Variants in WDR19 observed in about 807,000 individuals in gnomAD.
The protein encoded by WDR19 is WD repeat-containing protein 19.
WDR19 carries 121 observed loss-of-function variants against 180.0 expected under a neutral mutation model. The ratio of observed to expected loss-of-function variants is 0.67; its 90% CI spans 0.58 to 0.78. The LOEUF is 0.78. WDR19 is among the 30% of genes least tolerant of loss of function. The pLI is 0.00. For missense variants in WDR19, 1,450 were observed against 1,640.7 expected (o/e 0.88, Z 2.01); for synonymous variants, 497 against 540.7 (o/e 0.92, Z 1.12).
intron 30 of WDR19, among the ~76,000 whole-genome samples, chr4:39,269,121 C>T (rs1735093064): frequency 6.6e-6 from 1 of 151,980 alleles, no homozygotes; most frequent in African/African-American, 2.4e-5. Flanking sequence ...CATTTACACA[C>T]CTGGAGAAGA....
Position 39,216,229 on chromosome 4 carries a change from G to T in WDR19, c.1249+19G>T, listed in dbSNP as rs1729058687. The T allele has an allele frequency of 6.6e-7, 1 of 1,525,050 alleles. No homozygotes were observed. 94.5% of individuals were successfully genotyped at this position (1,525,050 alleles called of 1,614,324 possible). On this transcript the variant is annotated intron_variant, in intron 12 of 36. Coordinates refer to ENST00000399820, the MANE Select transcript of WDR19 (RefSeq NM_025132.4). ...GAAAATGGCAAGTCTAAATCCAGTTGTTTATTCTTATCTAGCACATAATTT... is the reference window on the plus strand; with the variant it reads ...GAAAATGGCAAGTCTAAATCCAGTTTTTTATTCTTATCTAGCACATAATTT...
chr4:39,281,236 T>TATATAGAGAGAGAGAGAGAGAGAGAG (rs762298152), intron 36 of WDR19, among the ~76,000 whole-genome samples: 12 of 103,970 alleles, frequency 1.2e-4, no homozygotes, highest in Admixed American at 3.6e-4. Context: ...TATATATATA[T>TATATAGAGAGAGAGAGAGAGAGAGAG]AGAGAGAGAG....
At chr4:39,193,750 A>C (rs957137171) in intron 4 of WDR19, among the ~76,000 whole-genome samples, 2 of 152,184 alleles carry the variant, frequency 1.3e-5, no homozygotes, top group Admixed American at 1.3e-4. Context: ...CGGTGCTGAA[A>C]GTTTAGCTGC....
chr4:39,236,608 TA>T (rs1183502820), intron 20 of WDR19, among the ~76,000 whole-genome samples: 13 of 152,216 alleles, frequency 8.5e-5, no homozygotes, highest in East Asian at 1.9e-4. Flanking sequence ...CAAATACATA[TA>T]TTTTTTTAAC....
intron 4 of WDR19, among the ~76,000 whole-genome samples, chr4:39,191,764 C>T (rs1044472836): frequency 7.9e-5 from 12 of 152,192 alleles, no homozygotes; most frequent in Non-Finnish European, 1.3e-4. Flanking sequence ...GTATCCTACT[C>T]AGTGTCTTTT....
At chr4:39,254,216 G>A (rs1345496540) in intron 26 of WDR19, among the ~76,000 whole-genome samples, 186 bp downstream of exon 26, 2 of 152,128 alleles carry the variant, frequency 1.3e-5, no homozygotes, top group Non-Finnish European at 2.9e-5. Context: ...CTACTTCAAG[G>A]TGAGATGGTA....
At chr4:39,213,346 AG>A (rs1728732489) in intron 9 of WDR19, among the ~76,000 whole-genome samples, 1 of 152,232 alleles carries the variant, frequency 6.6e-6, no homozygotes, top group South Asian at 2.1e-4. Flanking sequence ...GATGTCCTTC[AG>A]TGGGTGAATG....
At chr4:39,236,035 G>A (rs921141046) in intron 20 of WDR19, among the ~76,000 whole-genome samples, 2 of 152,136 alleles carry the variant, frequency 1.3e-5, no homozygotes, top group African/African-American at 2.4e-5. Context: ...ACTGTTGATA[G>A]GAATGTAAAT....
Position 39,206,004 on chromosome 4 carries a change from G to A in WDR19, c.890+268G>A, listed in dbSNP as rs118086401. On this transcript the variant is annotated intron_variant, in intron 9 of 36. Transcript: ENST00000399820. ...CTCCCACTGAGTACAGCTATAAAAC[G>A]TGAACAGAATGCATGGAGCAGATAT... 6.6e-5 allele frequency: 19 copies of A among 289,108 alleles called. 1 individual carries two copies. The South Asian group carries it at 9.1e-4, about 14-fold the overall frequency. 17.9% of individuals were successfully genotyped at this position (289,108 alleles called of 1,614,324 possible).
intron 15 of WDR19, among the ~76,000 whole-genome samples, chr4:39,227,091 G>A (rs889568629): frequency 2.0e-5 from 3 of 151,806 alleles, no homozygotes; most frequent in African/African-American, 7.3e-5. Context: ...TTTTTCATGC[G>A]AACTCTCTGT....
At chr4:39,209,072 T>G (rs371078043) in intron 9 of WDR19, among the ~76,000 whole-genome samples, 1 of 152,096 alleles carries the variant, frequency 6.6e-6, no homozygotes, top group Admixed American at 6.5e-5. Flanking sequence ...TTTTTTCAAG[T>G]GCCTGTGGAA....
At chr4:39,212,683 T>C (rs557698695) in intron 9 of WDR19, among the ~76,000 whole-genome samples, 1 of 152,230 alleles carries the variant, frequency 6.6e-6, no homozygotes, top group South Asian at 2.1e-4. Context: ...TGAGAAAATA[T>C]TTGCAAACCA....
intron 34 of WDR19, among the ~76,000 whole-genome samples, chr4:39,277,829 G>A (rs764786343): frequency 8.5e-5 from 13 of 152,086 alleles, no homozygotes; most frequent in Non-Finnish European, 1.9e-4. Context: ...CGAGGCAGGC[G>A]GATCATTTGA....
chr4:39,231,859 C>T lies in WDR19; in HGVS notation c.2045C>T (p.Ala682Val). Residue 682 changes from alanine (A) to valine (V), a missense_variant, in exon 18 of 37, where the codon GCC (alanine) becomes GTC (valine). Physicochemically the swap from Ala to Val is moderately conservative, Grantham distance 64. Transcript: ENST00000399820. ...GATGAGGCTGCCTGGAATGAGTTGG[C>T]CAGAGCTTGTCTACATCACATGGAA... ...LNDEAAWNEL[A>V]RACLHHMEVE... is the part of the protein sequence containing the mutation. 1 of 1,610,986 alleles carries T rather than the reference C, an allele frequency of 6.2e-7. No individual in the cohort carries two copies. Among genetic ancestry groups the T allele is most frequent in the Non-Finnish European group, 8.5e-7 (1 of 1,177,568 alleles).
chr4:39,262,705 A>G (rs1734410910), intron 28 of WDR19, among the ~76,000 whole-genome samples: 1 of 152,162 alleles, frequency 6.6e-6, no homozygotes. Context: ...CACCCTCCCT[A>G]GAATGGTCTA....
chr4:39,227,111 A>C (rs1459503859), intron 15 of WDR19, among the ~76,000 whole-genome samples: 1 of 152,224 alleles, frequency 6.6e-6, no homozygotes, highest in African/African-American at 2.4e-5. Flanking sequence ...TGTAGTTTAC[A>C]CTTAAACATA....
intron 21 of WDR19, among the ~76,000 whole-genome samples, chr4:39,242,504 A>G (rs1732060271): frequency 6.6e-6 from 1 of 152,092 alleles, no homozygotes; most frequent in South Asian, 2.1e-4. Flanking sequence ...ACTGAAGTAT[A>G]GTTGTGGGGT....
intron 31 of WDR19, among the ~76,000 whole-genome samples, chr4:39,270,971 T>C (rs1735307035): frequency 6.7e-6 from 1 of 149,592 alleles, no homozygotes; most frequent in Non-Finnish European, 1.5e-5. Flanking sequence ...CTTGGCTCAC[T>C]GCATCCTCCA....
In WDR19 at chr4:39,205,210, TA is replaced by T; in HGVS notation, c.662del (p.Asn221ThrfsTer26). ...LFFLNLNEPD[N>X]PADLEFQQDF... ...TTTTTTTAAATCTGAATGAACCAGA[TA>T]ACCCAGCTGATCTTGAATTTCAGCA... On this transcript the variant is annotated frameshift_variant, in exon 8 of 37. Transcript: ENST00000399820. LOFTEE classifies it high-confidence loss of function. 6.2e-7 allele frequency: 1 copy of T among 1,603,468 alleles called. No individual in the cohort carries two copies. Among genetic ancestry groups the T allele is most frequent in the Non-Finnish European group, 8.5e-7 (1 of 1,174,598 alleles).
Sources: gnomAD v4.1 joint callset for allele counts (sites outside exome capture counted in the v4.1 genomes callset) on GRCh38, gnomAD v4.1.1 for gene constraint, MANE v1.5 for transcripts, NCBI Gene and HGNC (gene_info 2026-07-23, HGNC 2026-07-21) for gene names.